The following CSMD1 variants were observed in gnomAD, a reference collection of about 807,000 sequenced individuals.
CSMD1 encodes the protein CUB and sushi domain-containing protein 1.
A neutral mutation model predicts 417.5 loss-of-function variants in CSMD1; 213 were observed. The observed-to-expected ratio is 0.51, with a 90% confidence interval of 0.46 to 0.57. The LOEUF (loss-of-function observed/expected upper bound fraction) is 0.57. Ranked by LOEUF, CSMD1 falls within the 20% of genes least tolerant of loss-of-function variation. The pLI, the probability that CSMD1 is intolerant of heterozygous loss-of-function variation, is 0.00. For missense variants in CSMD1, 6,923 were observed against 4,529.7 expected (o/e 1.53, Z -15.17); for synonymous variants, 2,862 against 1,736.8 (o/e 1.65, Z -16.11).
intron 1 of CSMD1, among the ~76,000 whole-genome samples, chr8:4,677,084 G>T (rs1805739875): frequency 7.0e-6 from 1 of 143,418 alleles, no homozygotes. Flanking sequence ...TATATATAGG[G>T]ATATATATTA....
At chr8:4,054,798 T>A (rs957393929) in intron 3 of CSMD1, among the ~76,000 whole-genome samples, 6 of 152,102 alleles carry the variant, frequency 3.9e-5, no homozygotes, top group Non-Finnish European at 2.9e-5. Context: ...CGAACAACAA[T>A]GGAAACAGAA....
chr8:4,340,671 G>A (rs929242274), intron 3 of CSMD1, among the ~76,000 whole-genome samples: 1 of 152,044 alleles, frequency 6.6e-6, no homozygotes, highest in African/African-American at 2.4e-5. Context: ...TTAACCTAGA[G>A]AGTAGGCTGG....
At chr8:3,249,506 G>C (rs1032435672) in intron 26 of CSMD1, among the ~76,000 whole-genome samples, 1 of 152,116 alleles carries the variant, frequency 6.6e-6, no homozygotes, top group Non-Finnish European at 1.5e-5. Context: ...TTACAGACAT[G>C]AGCCATGGCA....
intron 1 of CSMD1, among the ~76,000 whole-genome samples, chr8:4,769,235 T>C (rs184726621): frequency 6.6e-6 from 1 of 152,294 alleles, no homozygotes. Flanking sequence ...AAGAGATGCA[T>C]ATAAAACACT....
In CSMD1 at chr8:3,296,253, T is replaced by A. The variant is rs571912385; in HGVS notation, c.3950+11442A>T. 9.9e-5 allele frequency among the ~76,000 whole-genome samples: 15 copies of A among 151,718 alleles called. No homozygotes were observed. The East Asian group carries it at 2.7e-3, about 28-fold the overall frequency. On this transcript the variant is annotated intron_variant, in intron 25 of 69. Coordinates refer to ENST00000635120, the MANE Select transcript of CSMD1 (RefSeq NM_033225.6). The stretch of plus-strand genomic sequence containing the variant: ...GCCTTGAAGGAGTTAAGGGTGTTTG[T>A]CGCATCCTGTGAGACGTAAGAATTC...
intron 25 of CSMD1, among the ~76,000 whole-genome samples, chr8:3,307,119 G>GCA (rs1306820130): frequency 6.6e-6 from 1 of 152,176 alleles, no homozygotes; most frequent in Admixed American, 6.5e-5. Context: ...TAAAAGAACA[G>GCA]TAGAGTGTAT....
chr8:4,068,368 G>A (rs1799368776), intron 3 of CSMD1, among the ~76,000 whole-genome samples: 1 of 152,154 alleles, frequency 6.6e-6, no homozygotes, highest in South Asian at 2.1e-4. Context: ...GATCTTATTT[G>A]TCAGCCATGG....
At chr8:4,003,056 C>G (rs1276101926) in intron 4 of CSMD1, among the ~76,000 whole-genome samples, 1 of 152,070 alleles carries the variant, frequency 6.6e-6, no homozygotes, top group Non-Finnish European at 1.5e-5. Flanking sequence ...TGCAACAACA[C>G]AGCAGGGGGA....
At chr8:3,454,721 C>G (rs1417983376) in intron 12 of CSMD1, among the ~76,000 whole-genome samples, 1 of 152,146 alleles carries the variant, frequency 6.6e-6, no homozygotes, top group Non-Finnish European at 1.5e-5. Context: ...GGTAACCCGA[C>G]CTTTCTCTCT....
chr8:3,494,878 T>A (rs1796302666), intron 10 of CSMD1, among the ~76,000 whole-genome samples: 1 of 152,144 alleles, frequency 6.6e-6, no homozygotes, highest in Non-Finnish European at 1.5e-5. Context: ...TTTGTTAAGC[T>A]TGAAAGAAAA....
chr8:4,276,259 T>G (rs988505334), intron 3 of CSMD1, among the ~76,000 whole-genome samples: 6 of 152,100 alleles, frequency 3.9e-5, no homozygotes, highest in African/African-American at 1.4e-4. Flanking sequence ...TTAAAAAAAA[T>G]GTGGCACATA....
At chr8:4,776,747 T>G (rs1450627014) in intron 1 of CSMD1, among the ~76,000 whole-genome samples, 5 of 151,834 alleles carry the variant, frequency 3.3e-5, no homozygotes, top group African/African-American at 1.2e-4. Flanking sequence ...CATACTACAC[T>G]CAGTTATATT....
At chr8:3,626,387 A>G (rs1796494827) in intron 7 of CSMD1, among the ~76,000 whole-genome samples, 1 of 152,214 alleles carries the variant, frequency 6.6e-6, no homozygotes, top group African/African-American at 2.4e-5. Flanking sequence ...GTAGCATTTG[A>G]CTAGGCCAGT....
At chr8:4,387,770 C>G (rs1424127321) in intron 3 of CSMD1, among the ~76,000 whole-genome samples, 1 of 152,006 alleles carries the variant, frequency 6.6e-6, no homozygotes, top group Non-Finnish European at 1.5e-5. Flanking sequence ...TATCTGAAGG[C>G]TTATGAGAAT....
At chr8:4,866,983 T>A (rs1413296786) in intron 1 of CSMD1, among the ~76,000 whole-genome samples, 4 of 152,080 alleles carry the variant, frequency 2.6e-5, no homozygotes, top group Non-Finnish European at 4.4e-5. Flanking sequence ...AGAGACATTG[T>A]ATTTCCTCAG....
At chr8:4,000,558 T>TG (rs1216194540) in intron 4 of CSMD1, among the ~76,000 whole-genome samples, 9 of 152,198 alleles carry the variant, frequency 5.9e-5, no homozygotes, top group African/African-American at 1.9e-4. Context: ...CAACTAAAAG[T>TG]GACTCATACT....
At chr8:4,722,181 GCTGA>G (rs1268194423) in intron 1 of CSMD1, among the ~76,000 whole-genome samples, 1 of 152,072 alleles carries the variant, frequency 6.6e-6, no homozygotes, top group Admixed American at 6.6e-5. Flanking sequence ...ACACACACAT[GCTGA>G]CTATGGGAGG....
chr8:4,415,008 G>T (rs984307823), intron 3 of CSMD1, among the ~76,000 whole-genome samples: 3 of 152,164 alleles, frequency 2.0e-5, no homozygotes, highest in African/African-American at 7.2e-5. Context: ...TTGTCACATA[G>T]AAGCATAGGC....
chr8:4,457,388 A>C (rs1014618954), intron 2 of CSMD1, among the ~76,000 whole-genome samples: 1 of 152,084 alleles, frequency 6.6e-6, no homozygotes, highest in Admixed American at 6.5e-5. Context: ...CGAGGTCTGG[A>C]ACAGGAAGGG....
Sources: allele counts gnomAD v4.1 joint callset (sites outside exome capture counted in the v4.1 genomes callset), GRCh38; gene constraint gnomAD v4.1.1; transcripts MANE v1.5; gene names NCBI Gene and HGNC (gene_info 2026-07-23, HGNC 2026-07-21).